Variants in ABCC1 observed in about 807,000 individuals in gnomAD.
ABCC1 encodes multidrug resistance-associated protein 1.
Under a neutral mutation model 172.9 loss-of-function variants are expected in ABCC1, and 83 were observed. The observed-to-expected ratio is 0.48, with a 90% confidence interval of 0.40 to 0.58. The LOEUF (loss-of-function observed/expected upper bound fraction) is 0.58, where lower values mean the gene tolerates loss of function less well. Ranked by LOEUF, ABCC1 falls within the 20% of genes least tolerant of loss-of-function variation. The pLI, the probability that ABCC1 is intolerant of heterozygous loss-of-function variation, is 0.00. For synonymous variants in ABCC1, 937 were observed against 825.2 expected, an observed-to-expected ratio of 1.14 and a Z score of -2.32; for missense variants, 1,817 against 2,002.7, an observed-to-expected ratio of 0.91 and a Z score of 1.77.
At position 16,103,909 on chromosome 16, in the gene ABCC1, G is replaced by A. The variant is rs905103543; in HGVS notation, c.2735+1192G>A. 7.9e-5 allele frequency among the ~76,000 whole-genome samples: 12 copies of A among 152,162 alleles called. No homozygotes were observed. The South Asian group carries it at 1.0e-3, about 13-fold the overall frequency. On this transcript the variant is annotated intron_variant, in intron 20 of 30. Coordinates refer to ENST00000399410, the MANE Select transcript of ABCC1 (RefSeq NM_004996.4). Reference sequence around the variant, plus strand: ...GTGTTACAGTTCTTAAAGGTGGCACGTCTGGGGTTTGTTCCTTCTGCTGTT... The same window carrying A: ...GTGTTACAGTTCTTAAAGGTGGCACATCTGGGGTTTGTTCCTTCTGCTGTT...
At position 16,079,410 on chromosome 16, in the gene ABCC1, G is replaced by A. The variant is rs766665700; in HGVS notation, c.2047G>A (p.Gly683Arg). The A allele has an allele frequency of 6.2e-6, 10 of 1,613,866 alleles. No individual in the cohort carries two copies. The highest frequency in any genetic ancestry group is 8.5e-6 in the Non-Finnish European group (10 of 1,179,908). Reference protein sequence around the residue: ...LVAVVGQVGCGKSSLLSALLA... With the variant: ...LVAVVGQVGCRKSSLLSALLA... Reference sequence around the variant, plus strand: ...GGCCGTGGTGGGCCAGGTGGGCTGCGGAAAGTCGTCCCTGCTCTCAGCCCT... The same window carrying A: ...GGCCGTGGTGGGCCAGGTGGGCTGCAGAAAGTCGTCCCTGCTCTCAGCCCT... Residue 683 changes from glycine to arginine, a missense_variant, in exon 16 of 31, where the codon GGA becomes AGA. Gly to Arg is a moderately radical substitution (Grantham distance 125). Coordinates refer to ENST00000399410, the MANE Select transcript of ABCC1 (RefSeq NM_004996.4).
chr16:16,093,720 A>G (rs1242415461), intron 19 of ABCC1, among the ~76,000 whole-genome samples: 2 of 152,176 alleles, frequency 1.3e-5, no homozygotes, highest in African/African-American at 4.8e-5. Context: ...CGAAGCGCCA[A>G]TGACCTTGGG....
intron 5 of ABCC1, among the ~76,000 whole-genome samples, chr16:16,016,991 A>G (rs3784861): frequency 0.4 from 61,058 of 152,056 alleles, 14,075 homozygotes; most frequent in Non-Finnish European, 0.52. Flanking sequence ...CTATAATCCT[A>G]CAGGGCAGAG....
intron 5 of ABCC1, among the ~76,000 whole-genome samples, chr16:16,022,186 T>A (rs1314761487): frequency 6.6e-6 from 1 of 152,164 alleles, no homozygotes; most frequent in Non-Finnish European, 1.5e-5. Flanking sequence ...CTGGCAGGGC[T>A]GGCTCCTCCA....
rs764352755 is a variant in ABCC1 at position 16,033,184 on chromosome 16, C to T, written c.677+14C>T. 7.4e-6 allele frequency: 12 copies of T among 1,612,724 alleles called. No homozygotes were observed. The Admixed American group carries it at 8.3e-5, about 11-fold the overall frequency. Reference sequence around the variant, plus strand: ...GTGGATCACAGGGTAAGGCCAGGCCCCCCAGACCTCAGGGAGGTGGTGGGG... The same window carrying T: ...GTGGATCACAGGGTAAGGCCAGGCCTCCCAGACCTCAGGGAGGTGGTGGGG... On this transcript the variant is annotated intron_variant, in intron 6 of 30. Transcript: ENST00000399410.
At chr16:16,042,607 G>T (rs1232763722) in intron 7 of ABCC1, among the ~76,000 whole-genome samples, 1 of 151,888 alleles carries the variant, frequency 6.6e-6, no homozygotes, top group Non-Finnish European at 1.5e-5. Context: ...GGAGGCTGAG[G>T]CAGGAGAATC....
intron 10 of ABCC1, among the ~76,000 whole-genome samples, chr16:16,049,732 T>C (rs558844025): frequency 6.6e-6 from 1 of 152,316 alleles, no homozygotes; most frequent in East Asian, 1.9e-4. Flanking sequence ...TTGCCCAGGC[T>C]GGAGTGTGGT....
chr16:15,988,622 C>G (rs1421772887), intron 1 of ABCC1, among the ~76,000 whole-genome samples: 1 of 152,160 alleles, frequency 6.6e-6, no homozygotes, highest in Non-Finnish European at 1.5e-5. Context: ...TGAGTGTCAG[C>G]TTCATAGGAC....
chr16:16,039,209 TTGTGTGTG>T (rs749877499), intron 7 of ABCC1, among the ~76,000 whole-genome samples: 39 of 137,194 alleles, frequency 2.8e-4, no homozygotes, highest in Admixed American at 2.2e-3. Context: ...GAGGAAGCTT[TTGTGTGTG>T]TGTGTGTGTG....
At chr16:16,020,901 C>T (rs977350536) in intron 5 of ABCC1, among the ~76,000 whole-genome samples, 10 of 152,126 alleles carry the variant, frequency 6.6e-5, no homozygotes, top group African/African-American at 1.9e-4. Context: ...GTGCCTTGCT[C>T]GACCTGAGTA....
intron 19 of ABCC1, chr16:16,094,137 G>T (rs1434561456): frequency 2.4e-5 from 5 of 204,858 alleles, no homozygotes; most frequent in East Asian, 1.2e-4. Flanking sequence ...TCCCTTTCAG[G>T]CAGGATCATC....
In ABCC1 at chr16:16,014,644, C is replaced by T. The variant is rs766328703; in HGVS notation, c.489+16C>T. 1.9e-6 allele frequency: 3 copies of T among 1,612,384 alleles called. No homozygotes were observed. The highest frequency in any genetic ancestry group is 2.2e-5 in the East Asian group (1 of 44,860). ...CTTAAAAGAGGTAAGTGGCAGTCTCCTTCCTCATCTTCCTTCAGTGGACCC... is the reference window on the plus strand; with the variant it reads ...CTTAAAAGAGGTAAGTGGCAGTCTCTTTCCTCATCTTCCTTCAGTGGACCC... On this transcript the variant is annotated intron_variant, in intron 4 of 30. Transcript: ENST00000399410.
In ABCC1 at chr16:16,076,506, A is replaced by G. The variant is rs1007708378; in HGVS notation, c.1988+105A>G. 8 of 1,130,948 alleles carry G rather than the reference A, an allele frequency of 7.1e-6. No individual in the cohort carries two copies. In the African/African-American group the frequency reaches 1.1e-4, roughly 16 times the overall value. The allele number at this position is 1,130,948 out of a possible 1,614,324, so 70.1% of individuals were successfully genotyped here. A position where few individuals can be genotyped will look rare whatever the true frequency, so the allele number is the denominator to read the frequency against. ...GTGCTCCCTCTCTGTGACCTTGAACAACTCACTTTGCCTTTCTAAGACTTA... is the reference window on the plus strand; with the variant it reads ...GTGCTCCCTCTCTGTGACCTTGAACGACTCACTTTGCCTTTCTAAGACTTA... On this transcript the variant is annotated intron_variant, in intron 15 of 30. Coordinates refer to ENST00000399410, the MANE Select transcript of ABCC1 (RefSeq NM_004996.4).
chr16:16,067,965 C>T (rs1015958929), intron 12 of ABCC1, among the ~76,000 whole-genome samples, 191 bp from the exon 13 acceptor site: 1 of 151,914 alleles, frequency 6.6e-6, no homozygotes, highest in South Asian at 2.1e-4. Context: ...TTATCCAGTT[C>T]ATTCCCAGAG....
chr16:16,046,325 G>A (rs573741182), intron 9 of ABCC1, among the ~76,000 whole-genome samples: 2 of 152,080 alleles, frequency 1.3e-5, no homozygotes, highest in South Asian at 4.2e-4. Flanking sequence ...AACATTCTGT[G>A]TTTCAGCTTG....
intron 12 of ABCC1, among the ~76,000 whole-genome samples, chr16:16,061,273 A>G (rs1197380572): frequency 1.3e-5 from 2 of 152,338 alleles, no homozygotes; most frequent in East Asian, 3.9e-4. Context: ...ATGGTGAAAC[A>G]TAATTAAAGC....
At chr16:16,114,035 C>T (rs997452321) in intron 22 of ABCC1, among the ~76,000 whole-genome samples, 2 of 152,150 alleles carry the variant, frequency 1.3e-5, no homozygotes, top group Non-Finnish European at 2.9e-5. Context: ...GGTTCCTAAC[C>T]GGTCATGAGC....
chr16:16,019,094 G>GT (rs1301661346), intron 5 of ABCC1, among the ~76,000 whole-genome samples: 1 of 151,816 alleles, frequency 6.6e-6, no homozygotes, highest in African/African-American at 2.4e-5. Flanking sequence ...TTTGTTTGTT[G>GT]TTTTTTTCTG....
intron 25 of ABCC1, 63 bp from the exon 26 acceptor site, chr16:16,125,747 G>C: frequency 4.3e-6 from 2 of 464,366 alleles, no homozygotes. Flanking sequence ...TGGAAAAAAA[G>C]AAAAAGGAAA....
Sources: allele counts gnomAD v4.1 joint callset (sites outside exome capture counted in the v4.1 genomes callset), GRCh38; gene constraint gnomAD v4.1.1; transcripts MANE v1.5; gene names NCBI Gene and HGNC (gene_info 2026-07-23, HGNC 2026-07-21).